BEAN1: variants seen among roughly 807,000 people sequenced by gnomAD.
BEAN1 encodes protein BEAN1.
BEAN1 carries 17 observed loss-of-function variants against 17.7 expected under a neutral mutation model. The ratio of observed to expected loss-of-function variants is 0.96; its 90% CI spans 0.66 to 1.44. BEAN1 has a LOEUF of 1.44. BEAN1 is among the 40% of genes most tolerant of loss of function. The pLI, the probability that BEAN1 is intolerant of heterozygous loss-of-function variation, is 0.00. For synonymous variants in BEAN1, 142 were observed against 151.8 expected, an observed-to-expected ratio of 0.94 and a Z score of 0.47; for missense variants, 359 against 374.1, an observed-to-expected ratio of 0.96 and a Z score of 0.33.
chr16:66,470,884 T>C (rs1359468609), intron 3 of BEAN1, among the ~76,000 whole-genome samples: 1 of 152,166 alleles, frequency 6.6e-6, no homozygotes, highest in Non-Finnish European at 1.5e-5. Context: ...CAAATCACCA[T>C]CCACAGGCCT....
At chr16:66,469,539 C>A in intron 2 of BEAN1, 63 bp from the exon 3 acceptor site, 1 of 1,456,940 alleles carries the variant, frequency 6.9e-7, no homozygotes, top group Non-Finnish European at 9.2e-7. Context: ...GCAGCACGGG[C>A]AGAGAAGGAA....
intron 1 of BEAN1, among the ~76,000 whole-genome samples, chr16:66,428,780 G>C (rs181055301): frequency 6.6e-6 from 1 of 152,208 alleles, no homozygotes; most frequent in African/African-American, 2.4e-5. Context: ...CAGTGCCTCT[G>C]AATCTGAAGT....
intron 1 of BEAN1, among the ~76,000 whole-genome samples, 167 bp from the exon 2 acceptor site, chr16:66,437,428 C>T (rs757658573): frequency 5.3e-5 from 8 of 152,038 alleles, no homozygotes; most frequent in Non-Finnish European, 1.2e-4. Context: ...CCCCATTCTA[C>T]AGCCCAGAGG....
chr16:66,480,440 C>A, intron 4 of BEAN1, 146 bp from the exon 5 acceptor site: 1 of 627,340 alleles, frequency 1.6e-6, no homozygotes, highest in Non-Finnish European at 2.7e-6. Context: ...AGGGAAGTAG[C>A]AGGGTTTCAT....
Position 66,469,827 on chromosome 16 carries a change from A to G in BEAN1, c.251A>G (p.His84Arg), listed in dbSNP as rs1470449918. The G allele has an allele frequency of 5.9e-6, 9 of 1,523,536 alleles. No homozygotes were observed. Among genetic ancestry groups the G allele is most frequent in the Non-Finnish European group, 7.9e-6 (9 of 1,139,492 alleles). The allele number at this position is 1,523,536 out of a possible 1,614,324, so 94.4% of individuals were successfully genotyped here. A position where few individuals can be genotyped will look rare whatever the true frequency, so the allele number is the denominator to read the frequency against. Residue 84 changes from histidine (H) to arginine (R), a missense_variant, in exon 3 of 5, where the codon CAC becomes CGC. Transcript: ENST00000536005. ...HHRHHHHHHH[H>R]RRRRHREYEH... ...CGCCACCACCACCACCATCATCACCACCGCCGGCGTCGACACCGAGAGTAC... is the reference window on the plus strand; with the variant it reads ...CGCCACCACCACCACCATCATCACCGCCGCCGGCGTCGACACCGAGAGTAC...
At chr16:66,467,294 C>T (rs1233825977) in intron 2 of BEAN1, among the ~76,000 whole-genome samples, 7 of 152,152 alleles carry the variant, frequency 4.6e-5, no homozygotes, top group Admixed American at 2.6e-4. Context: ...TGAAGAAATA[C>T]CTGAGGCCGG....
intron 2 of BEAN1, among the ~76,000 whole-genome samples, chr16:66,438,750 C>A (rs1262689864): frequency 6.6e-6 from 1 of 152,178 alleles, no homozygotes; most frequent in Admixed American, 6.5e-5. Flanking sequence ...TGCCCCAGGG[C>A]CCCTTTCACT....
rs148705995 is a variant in BEAN1 at position 66,457,307 on chromosome 16, C to T, written c.26-12295C>T. On this transcript the variant is annotated intron_variant, in intron 2 of 4. Coordinates refer to ENST00000536005, the MANE Select transcript of BEAN1 (RefSeq NM_001178020.3). The stretch of plus-strand genomic sequence containing the variant: ...GAGTAGATGCATAGATAGGTAAATG[C>T]CTGAGAGGATGGATGATTTGCTGGC... Among the ~76,000 whole-genome samples the T allele has an allele frequency of 2.6e-5, 4 of 152,060 alleles. No individual in the cohort carries two copies. In the East Asian group the frequency reaches 7.7e-4, roughly 29 times the overall value.
chr16:66,494,150 T>C (rs1172535049), downstream of BEAN1, among the ~76,000 whole-genome samples: 8 of 152,106 alleles, frequency 5.3e-5, no homozygotes, highest in Admixed American at 2.0e-4. Flanking sequence ...AATAAGCAAA[T>C]AGCTCTCACT....
At chr16:66,491,593 C>A (rs906769853) in intron 4 of BEAN1, among the ~76,000 whole-genome samples, 2 of 152,154 alleles carry the variant, frequency 1.3e-5, no homozygotes, top group African/African-American at 4.8e-5. Flanking sequence ...GGTCCCCAAC[C>A]TTTTTGGCAC....
intron 4 of BEAN1, among the ~76,000 whole-genome samples, chr16:66,491,136 G>A (rs1342091232): frequency 6.6e-6 from 1 of 152,222 alleles, no homozygotes; most frequent in Non-Finnish European, 1.5e-5. Flanking sequence ...GAGCAGGGGA[G>A]GGCCGGCTCG....
rs763587014 is a variant in BEAN1 at position 66,493,022 on chromosome 16, G to A, written c.208G>A (p.Ala70Thr). The A allele has an allele frequency of 6.8e-5, 48 of 702,852 alleles. No individual in the cohort carries two copies. Among genetic ancestry groups the A allele is most frequent in the Non-Finnish European group, 7.5e-5 (29 of 384,998 alleles). The allele number at this position is 702,852 out of a possible 1,614,324, so 43.5% of individuals were successfully genotyped here. ...TATGCTTTCCAGACACAAACTGGAC[G>A]CCATCCTGGGCAGGCTGGGCTACAC... Residue 70 changes from alanine (A) to threonine (T), a missense_variant, in exon 5 of 5, where the codon GCC becomes ACC. Coordinates refer to the BEAN1 transcript ENST00000561796.
intron 2 of BEAN1, among the ~76,000 whole-genome samples, chr16:66,454,729 CTTTTTT>C (rs538469751): frequency 2.9e-4 from 24 of 83,682 alleles, no homozygotes; most frequent in African/African-American, 1.1e-3. Context: ...TTCTTTCTTT[CTTTTTT>C]TTTTTTTTTT....
chr16:66,443,848 G>A (rs560379269), intron 2 of BEAN1, among the ~76,000 whole-genome samples: 3 of 151,934 alleles, frequency 2.0e-5, no homozygotes, highest in African/African-American at 2.4e-5. Flanking sequence ...CTAATTTTTC[G>A]TATTTTTAGT....
intron 2 of BEAN1, among the ~76,000 whole-genome samples, chr16:66,468,012 G>A (rs768757702): frequency 4.6e-5 from 7 of 152,228 alleles, no homozygotes; most frequent in South Asian, 2.1e-4. Flanking sequence ...AAGGAGAAAC[G>A]ATCACAGCTG....
intron 4 of BEAN1, among the ~76,000 whole-genome samples, chr16:66,488,751 A>G (rs1176984252): frequency 6.6e-6 from 1 of 151,710 alleles, no homozygotes; most frequent in Non-Finnish European, 1.5e-5. Flanking sequence ...GGCTTTTAAG[A>G]TGGAGGAAGG....
At chr16:66,480,463 G>A (rs368439488) in intron 4 of BEAN1, 123 bp from the exon 5 acceptor site, 10 of 746,690 alleles carry the variant, frequency 1.3e-5, no homozygotes, top group African/African-American at 5.4e-5. Flanking sequence ...GAGCCAGCGT[G>A]GACAAGGCCC....
chr16:66,443,070 T>C (rs1158771328), intron 2 of BEAN1, among the ~76,000 whole-genome samples: 1 of 152,020 alleles, frequency 6.6e-6, no homozygotes, highest in Admixed American at 6.6e-5. Context: ...TAATCAATTG[T>C]AGCACTCTTT....
At chr16:66,464,191 A>G (rs1038539331) in intron 2 of BEAN1, among the ~76,000 whole-genome samples, 2 of 152,202 alleles carry the variant, frequency 1.3e-5, no homozygotes, top group African/African-American at 2.4e-5. Flanking sequence ...TTTGATCAGC[A>G]TTGTGTTGAA....
Sources: allele counts gnomAD v4.1 joint callset (sites outside exome capture counted in the v4.1 genomes callset), GRCh38; gene constraint gnomAD v4.1.1; transcripts MANE v1.5; gene names NCBI Gene and HGNC (gene_info 2026-07-23, HGNC 2026-07-21).